Variants in CHD6 observed in about 807,000 individuals in gnomAD.
CHD6 encodes the protein chromodomain helicase DNA binding protein 6, also known as ATP-dependent chromatin remodeler CHD6.
A neutral mutation model predicts 276.9 loss-of-function variants in CHD6; 50 were observed. That is an observed-to-expected ratio of 0.18 (90% CI 0.14 to 0.23). The LOEUF (loss-of-function observed/expected upper bound fraction) is 0.23. CHD6 is among the 10% of genes least tolerant of loss of function. The pLI, the probability that CHD6 is intolerant of heterozygous loss-of-function variation, is 1.00. For missense variants in CHD6, 2,564 were observed against 3,365.8 expected, an observed-to-expected ratio of 0.76 and a Z score of 5.89; for synonymous variants, 1,173 against 1,229.3, an observed-to-expected ratio of 0.95 and a Z score of 0.96.
chr20:41,591,182 A>T (rs1259797592), intron 1 of CHD6, among the ~76,000 whole-genome samples: 1 of 123,162 alleles, frequency 8.1e-6, no homozygotes, highest in African/African-American at 3.1e-5. Flanking sequence ...GGACACAGGA[A>T]GGGGAACATC....
chr20:41,541,661 G>A (rs1234564843), intron 2 of CHD6, among the ~76,000 whole-genome samples: 4 of 152,198 alleles, frequency 2.6e-5, no homozygotes, highest in Admixed American at 6.5e-5. Flanking sequence ...TGAAAGCAGG[G>A]TATCCCTGAA....
intron 3 of CHD6, among the ~76,000 whole-genome samples, chr20:41,529,724 G>C (rs558997091): frequency 6.6e-6 from 1 of 152,216 alleles, no homozygotes; most frequent in African/African-American, 2.4e-5. Flanking sequence ...TAGCGCCAGA[G>C]ATGGAAAGAG....
chr20:41,547,804 C>A (rs919739053), intron 2 of CHD6: 15 of 507,578 alleles, frequency 3.0e-5, no homozygotes, highest in Non-Finnish European at 5.1e-5. Context: ...CTCTCTGGAA[C>A]TATTAAAGAG....
intron 34 of CHD6, 136 bp downstream of exon 34, chr20:41,415,050 T>C (rs1396300031): frequency 1.4e-6 from 2 of 1,466,706 alleles, no homozygotes; most frequent in Non-Finnish European, 1.8e-6. Context: ...GAGGGCATCT[T>C]ATAATGAGAG....
intron 1 of CHD6, among the ~76,000 whole-genome samples, chr20:41,584,258 AATG>A (rs1336102688): frequency 1.3e-5 from 2 of 152,292 alleles, no homozygotes; most frequent in East Asian, 1.9e-4. Context: ...GACATCACAT[AATG>A]ATGAGTTAAT....
intron 17 of CHD6, among the ~76,000 whole-genome samples, chr20:41,466,902 G>C (rs1038886022): frequency 2.6e-5 from 4 of 152,184 alleles, no homozygotes; most frequent in African/African-American, 9.6e-5. Context: ...AGAACCTCCT[G>C]AAGATATGTG....
intron 1 of CHD6, among the ~76,000 whole-genome samples, chr20:41,567,025 A>C (rs2045362668): frequency 6.6e-6 from 1 of 152,202 alleles, no homozygotes; most frequent in South Asian, 2.1e-4. Context: ...TGAAGGCCAC[A>C]TGGGACAGAA....
At chr20:41,544,725 TATG>T (rs573064052) in intron 2 of CHD6, among the ~76,000 whole-genome samples, 149 of 150,502 alleles carry the variant, frequency 9.9e-4, no homozygotes, top group African/African-American at 3.5e-3. Flanking sequence ...TACACAGTAA[TATG>T]ATTACTATAT....
chr20:41,466,447 T>C (rs1429059135), intron 17 of CHD6, among the ~76,000 whole-genome samples: 1 of 152,222 alleles, frequency 6.6e-6, no homozygotes, highest in Non-Finnish European at 1.5e-5. Context: ...TAGTCATCTA[T>C]TGCTGAACAA....
intron 1 of CHD6, among the ~76,000 whole-genome samples, chr20:41,591,069 G>C (rs1383369969): frequency 3.3e-5 from 5 of 151,908 alleles, no homozygotes; most frequent in Non-Finnish European, 7.4e-5. Context: ...TAGGGACATG[G>C]ATGAAGCTGG....
chr20:41,516,872 G>C (rs760968930), intron 3 of CHD6, among the ~76,000 whole-genome samples: 1 of 152,106 alleles, frequency 6.6e-6, no homozygotes, highest in Admixed American at 6.6e-5. Flanking sequence ...AGGAAGTCTC[G>C]GCAAGTGACA....
chr20:41,519,284 AAAAC>A (rs142288908), intron 3 of CHD6, among the ~76,000 whole-genome samples: 68,736 of 151,376 alleles, frequency 0.45, 17,038 homozygotes, highest in African/African-American at 0.66. Flanking sequence ...CCCTGTCTCA[AAAAC>A]AAACAAACAA....
chr20:41,554,548 T>C (rs1276823823), intron 1 of CHD6, among the ~76,000 whole-genome samples: 3 of 151,530 alleles, frequency 2.0e-5, no homozygotes, highest in Non-Finnish European at 4.4e-5. Context: ...CCTTCCGCAG[T>C]GTTTGTGTCC....
At chr20:41,422,230 A>G in intron 30 of CHD6, 151 bp from the exon 31 acceptor site, 1 of 715,812 alleles carries the variant, frequency 1.4e-6, no homozygotes, top group Non-Finnish European at 2.2e-6. Flanking sequence ...AAAATAGGAA[A>G]CTGAAAAAGA....
chr20:41,581,642 C>A (rs2045541160), intron 1 of CHD6, among the ~76,000 whole-genome samples: 1 of 150,736 alleles, frequency 6.6e-6, no homozygotes, highest in Non-Finnish European at 1.5e-5. Context: ...TGCCACTGTA[C>A]TCCAGCCTGA....
At chr20:41,544,694 A>G (rs2045007156) in intron 2 of CHD6, among the ~76,000 whole-genome samples, 1 of 150,302 alleles carries the variant, frequency 6.7e-6, no homozygotes, top group South Asian at 2.1e-4. Flanking sequence ...TTAAAATATT[A>G]GTATTTTAAT....
chr20:41,482,199 T>C (rs535755150), intron 16 of CHD6, among the ~76,000 whole-genome samples: 9 of 152,120 alleles, frequency 5.9e-5, no homozygotes, highest in Non-Finnish European at 1.3e-4. Flanking sequence ...TTTTAAAGAG[T>C]AAGATAATAT....
rs945038952 is a variant in CHD6 at position 41,402,131 on chromosome 20, A to G, written c.*2462T>C. On this transcript the variant is annotated 3_prime_UTR_variant, in exon 37 of 37. Transcript: ENST00000373233. Reference sequence around the variant, plus strand: ...TTTTTAAATCCAGGATCAAGACCACAATTTATTATGTAAGACATGGGGTGA... The same window carrying G: ...TTTTTAAATCCAGGATCAAGACCACGATTTATTATGTAAGACATGGGGTGA... The G allele has an allele frequency of 5.0e-6, 1 of 198,510 alleles. No individual in the cohort carries two copies. Among genetic ancestry groups the G allele is most frequent in the African/African-American group, 2.3e-5 (1 of 43,388 alleles). The allele number at this position is 198,510 out of a possible 1,614,324, so 12.3% of individuals were successfully genotyped here. A position where few individuals can be genotyped will look rare whatever the true frequency, so the allele number is the denominator to read the frequency against.
At chr20:41,503,230 T>C (rs1418001789) in intron 5 of CHD6, among the ~76,000 whole-genome samples, 2 of 152,220 alleles carry the variant, frequency 1.3e-5, no homozygotes, top group East Asian at 3.8e-4. Context: ...AAATACGTAT[T>C]TGCATATTGT....
Sources: allele counts gnomAD v4.1 joint callset (sites outside exome capture counted in the v4.1 genomes callset), GRCh38; gene constraint gnomAD v4.1.1; transcripts MANE v1.5; gene names NCBI Gene and HGNC (gene_info 2026-07-23, HGNC 2026-07-21).